The following MAGI2 variants were observed in gnomAD, a reference collection of about 807,000 sequenced individuals.
MAGI2 encodes the protein membrane associated guanylate kinase, WW and PDZ domain containing 2, also known as membrane-associated guanylate kinase, WW and PDZ domain-containing protein 2.
MAGI2 carries 35 observed loss-of-function variants against 133.3 expected under a neutral mutation model. The ratio of observed to expected loss-of-function variants is 0.26; its 90% CI spans 0.20 to 0.35. The LOEUF is 0.35. Ranked by LOEUF, MAGI2 falls within the 10% of genes least tolerant of loss-of-function variation. MAGI2 has a pLI of 1.00. For synonymous variants in MAGI2, 729 were observed against 710.6 expected, an observed-to-expected ratio of 1.03 and a Z score of -0.41; for missense variants, 1,636 against 1,863.4, an observed-to-expected ratio of 0.88 and a Z score of 2.25.
intron 1 of MAGI2, among the ~76,000 whole-genome samples, chr7:79,274,569 T>C (rs949068119): frequency 8.1e-6 from 1 of 123,732 alleles, no homozygotes; most frequent in African/African-American, 2.6e-5. Flanking sequence ...GATCCATATA[T>C]ATATTATATT....
At chr7:78,320,203 C>T (rs1787859203) in intron 9 of MAGI2, among the ~76,000 whole-genome samples, 1 of 152,148 alleles carries the variant, frequency 6.6e-6, no homozygotes, top group Non-Finnish European at 1.5e-5. Flanking sequence ...CAAAGAGGAG[C>T]TGGTACCATT....
intron 1 of MAGI2, among the ~76,000 whole-genome samples, chr7:79,308,947 T>G (rs1838037662): frequency 6.6e-6 from 1 of 151,608 alleles, no homozygotes; most frequent in Non-Finnish European, 1.5e-5. Context: ...GTTGAACATT[T>G]TTTTAAACTT....
chr7:79,219,092 T>C (rs1830245206), intron 1 of MAGI2, among the ~76,000 whole-genome samples: 3 of 152,076 alleles, frequency 2.0e-5, no homozygotes. Context: ...TCTAGCACTA[T>C]AATAACAAAT....
chr7:78,963,672 C>G (rs1803056231), intron 2 of MAGI2, among the ~76,000 whole-genome samples: 1 of 151,830 alleles, frequency 6.6e-6, no homozygotes, highest in South Asian at 2.1e-4. Context: ...ACAACAACTC[C>G]TGAAAGCTTG....
chr7:79,192,260 A>C (rs1425618550), intron 1 of MAGI2, among the ~76,000 whole-genome samples: 1 of 151,894 alleles, frequency 6.6e-6, no homozygotes, highest in Non-Finnish European at 1.5e-5. Flanking sequence ...CTAGAATATA[A>C]GTTTCATGAA....
intron 2 of MAGI2, among the ~76,000 whole-genome samples, chr7:78,892,172 G>A (rs1796820250): frequency 6.6e-6 from 1 of 152,132 alleles, no homozygotes; most frequent in South Asian, 2.1e-4. Context: ...CAACTTACAA[G>A]GGATGTGAAG....
At chr7:78,189,067 T>C (rs774646308) in intron 12 of MAGI2, among the ~76,000 whole-genome samples, 5 of 152,168 alleles carry the variant, frequency 3.3e-5, no homozygotes, top group Non-Finnish European at 7.3e-5. Flanking sequence ...TGGGAGACAG[T>C]GCAAACTACA....
intron 2 of MAGI2, among the ~76,000 whole-genome samples, chr7:78,760,372 T>TTC (rs1563467541): frequency 6.8e-6 from 1 of 147,940 alleles, no homozygotes; most frequent in African/African-American, 2.6e-5. Context: ...TTTTTTTTTT[T>TTC]TTTTTTTGAG....
chr7:78,150,732 G>C (rs966527357), intron 16 of MAGI2, among the ~76,000 whole-genome samples: 1 of 152,160 alleles, frequency 6.6e-6, no homozygotes, highest in Non-Finnish European at 1.5e-5. Flanking sequence ...TGGAGTCTTT[G>C]AACACAATAA....
intron 9 of MAGI2, among the ~76,000 whole-genome samples, chr7:78,276,090 A>AAGAG (rs1451027249): frequency 1.3e-5 from 2 of 152,206 alleles, no homozygotes; most frequent in African/African-American, 4.8e-5. Context: ...CTAGGGAAGC[A>AAGAG]AGAGATCTAA....
In MAGI2 at chr7:78,154,668, C is replaced by T. The variant is rs1285128483; in HGVS notation, c.2845+5357G>A. On this transcript the variant is annotated intron_variant, in intron 16 of 21. Transcript: ENST00000354212. ...TACCTCATATATTCCGGCATAACCTCCTGACAAGTGACAGAAAAGGTGGAG... is the reference window on the plus strand; with the variant it reads ...TACCTCATATATTCCGGCATAACCTTCTGACAAGTGACAGAAAAGGTGGAG... 2.0e-5 allele frequency among the ~76,000 whole-genome samples: 3 copies of T among 152,068 alleles called. No homozygotes were observed. In the East Asian group the frequency reaches 5.8e-4, roughly 29 times the overall value.
intron 1 of MAGI2, among the ~76,000 whole-genome samples, chr7:79,210,002 A>C (rs1014539141): frequency 1.3e-5 from 2 of 152,072 alleles, no homozygotes; most frequent in Admixed American, 1.3e-4. Flanking sequence ...ATTGATAAAC[A>C]AAATGAAAGA....
chr7:79,292,597 C>T (rs372128414), intron 1 of MAGI2, among the ~76,000 whole-genome samples: 1 of 151,368 alleles, frequency 6.6e-6, no homozygotes, highest in Non-Finnish European at 1.5e-5. Flanking sequence ...CATGCCACTG[C>T]ACTCCAGCCT....
chr7:78,123,519 C>T (rs576474593), intron 20 of MAGI2, among the ~76,000 whole-genome samples: 9 of 152,226 alleles, frequency 5.9e-5, no homozygotes, highest in African/African-American at 1.2e-4. Context: ...AGTAAAACAA[C>T]GGTTACTTGA....
chr7:78,551,624 A>G (rs1799340326), intron 3 of MAGI2, among the ~76,000 whole-genome samples: 1 of 152,248 alleles, frequency 6.6e-6, no homozygotes, highest in Admixed American at 6.5e-5. Flanking sequence ...CCTAAGGGGG[A>G]AACTTCTAGG....
At chr7:78,183,757 G>A (rs1225766862) in intron 13 of MAGI2, among the ~76,000 whole-genome samples, 1 of 152,164 alleles carries the variant, frequency 6.6e-6, no homozygotes, top group African/African-American at 2.4e-5. Flanking sequence ...TGTAGAGATG[G>A]AGGTCTTGCC....
chr7:78,300,434 T>G (rs371741390), intron 9 of MAGI2, among the ~76,000 whole-genome samples: 74 of 152,280 alleles, frequency 4.9e-4, no homozygotes, highest in African/African-American at 1.7e-3. Flanking sequence ...TTGAAAGAAG[T>G]CTGAAAGCAC....
intron 2 of MAGI2, among the ~76,000 whole-genome samples, chr7:78,800,113 CA>C (rs1332749513): frequency 6.6e-6 from 1 of 152,024 alleles, no homozygotes; most frequent in Non-Finnish European, 1.5e-5. Flanking sequence ...ATTTAGTTTC[CA>C]AAAACCCACG....
intron 6 of MAGI2, among the ~76,000 whole-genome samples, chr7:78,444,435 A>G (rs552851681): frequency 6.6e-6 from 1 of 152,178 alleles, no homozygotes; most frequent in African/African-American, 2.4e-5. Flanking sequence ...AAGGTGAAAG[A>G]AACCCACACT....
Sources: allele counts gnomAD v4.1 joint callset (sites outside exome capture counted in the v4.1 genomes callset), GRCh38; gene constraint gnomAD v4.1.1; transcripts MANE v1.5; gene names NCBI Gene and HGNC (gene_info 2026-07-23, HGNC 2026-07-21).